MRPL42: variants seen among roughly 807,000 people sequenced by gnomAD.
MRPL42 encodes mitochondrial ribosomal protein L42.
In MRPL42, 17 loss-of-function variants were observed where a neutral mutation model predicts 17.9. That is an observed-to-expected ratio of 0.95 (90% CI 0.65 to 1.42). The LOEUF is 1.42. Ranked by LOEUF, MRPL42 falls within the 40% of genes most tolerant of loss-of-function variation. The pLI is 0.00. For missense variants in MRPL42, 177 were observed against 175.2 expected, an observed-to-expected ratio of 1.01 and a Z score of -0.06; for synonymous variants, 59 against 54.4, an observed-to-expected ratio of 1.08 and a Z score of -0.37.
rs1236653389 is a variant in MRPL42, at chr12:93,503,887, C to T, written c.*2666C>T. On this transcript the variant is annotated 3_prime_UTR_variant, in exon 6 of 6. Transcript: ENST00000549982. The stretch of plus-strand genomic sequence containing the variant: ...CTGGCTTGTCATAATTTAATTAACT[C>T]CCTGCTGTTAGACAAAATCATTGTT... The T allele has an allele frequency of 6.6e-6, 1 of 151,820 alleles. No individual in the cohort carries two copies. The highest frequency in any genetic ancestry group is 2.4e-5 in the African/African-American group (1 of 41,328). 9.4% of individuals were successfully genotyped at this position (151,820 alleles called of 1,614,324 possible). A position where few individuals can be genotyped will look rare whatever the true frequency, so the allele number is the denominator to read the frequency against.
chr12:93,485,003 T>TACACACAC (rs1186653153), intron 4 of MRPL42, among the ~76,000 whole-genome samples: 1 of 68,330 alleles, frequency 1.5e-5, no homozygotes, highest in African/African-American at 5.2e-5. Flanking sequence ...TATATATATA[T>TACACACAC]ATATATATAT....
At position 93,504,043 on chromosome 12, in the gene MRPL42, C is replaced by G. The variant is rs1226947370; in HGVS notation, c.*2822C>G. Reference sequence around the variant, plus strand: ...TAATCTCATCAGAAGCTGGCAAGATCATTACTGTTTTCTTAGATTTGTTTC... The same window carrying G: ...TAATCTCATCAGAAGCTGGCAAGATGATTACTGTTTTCTTAGATTTGTTTC... On this transcript the variant is annotated 3_prime_UTR_variant, in exon 6 of 6. Transcript: ENST00000549982. The G allele has an allele frequency of 6.8e-6, 1 of 147,456 alleles. No homozygotes were observed. Among genetic ancestry groups the G allele is most frequent in the African/African-American group, 2.6e-5 (1 of 39,182 alleles). 9.1% of individuals were successfully genotyped at this position (147,456 alleles called of 1,614,324 possible). A position where few individuals can be genotyped will look rare whatever the true frequency, so the allele number is the denominator to read the frequency against.
Position 93,515,548 on chromosome 12 carries a change from T to C in MRPL42, c.*14327T>C, listed in dbSNP as rs921565514. 1.3e-5 allele frequency: 2 copies of C among 152,044 alleles called. No homozygotes were observed. Among genetic ancestry groups the C allele is most frequent in the African/African-American group, 4.8e-5 (2 of 41,390 alleles). The allele number at this position is 152,044 out of a possible 1,614,324, so 9.4% of individuals were successfully genotyped here. A position where few individuals can be genotyped will look rare whatever the true frequency, so the allele number is the denominator to read the frequency against. ...CATTCCCAGGTAATTTTTGTATTTT[T>C]AGTATAGATGGAGTTTCGCCATTCT... On this transcript the variant is annotated 3_prime_UTR_variant, in exon 6 of 6. Coordinates refer to ENST00000549982, the MANE Select transcript of MRPL42 (RefSeq NM_014050.4).
At chr12:93,485,560 AAT>A (rs201705527) in intron 4 of MRPL42, among the ~76,000 whole-genome samples, 1 of 80,276 alleles carries the variant, frequency 1.2e-5, no homozygotes, top group African/African-American at 4.2e-5. Flanking sequence ...ATGTAAAGAA[AAT>A]ATGTTTGAAT....
chr12:93,468,619 C>T (rs1388902870), intron 1 of MRPL42, among the ~76,000 whole-genome samples: 1 of 152,238 alleles, frequency 6.6e-6, no homozygotes, highest in Non-Finnish European at 1.5e-5. Flanking sequence ...AAGTTAAAGA[C>T]TTTGTACACA....
chr12:93,468,311 G>A (rs1879740762), intron 1 of MRPL42, among the ~76,000 whole-genome samples: 1 of 152,094 alleles, frequency 6.6e-6, no homozygotes, highest in African/African-American at 2.4e-5. Flanking sequence ...CACTATTGGG[G>A]GGAAGGGCAC....
chr12:93,475,268 C>A (rs1260405530), intron 2 of MRPL42, among the ~76,000 whole-genome samples: 1 of 151,934 alleles, frequency 6.6e-6, no homozygotes, highest in Non-Finnish European at 1.5e-5. Context: ...GCATGCACCA[C>A]CACACCCGGC....
At position 93,513,375 on chromosome 12, in the gene MRPL42, C is replaced by T. The variant is rs1331836757; in HGVS notation, c.*12154C>T. On this transcript the variant is annotated 3_prime_UTR_variant, in exon 6 of 6. Coordinates refer to ENST00000549982, the MANE Select transcript of MRPL42 (RefSeq NM_014050.4). ...CTGGCAAATTTATTTTTTGTAGAGA[C>T]CAAGTCTCCTTGTGTTACCCAGGTT... The T allele has an allele frequency of 6.6e-6, 1 of 151,730 alleles. No individual in the cohort carries two copies. 9.4% of individuals were successfully genotyped at this position (151,730 alleles called of 1,614,324 possible).
rs1278004635 is a variant in MRPL42, at chr12:93,509,845, T to C, written c.*8624T>C. On this transcript the variant is annotated 3_prime_UTR_variant, in exon 6 of 6. Transcript: ENST00000549982. ...CAAAATTGAGAGGAGGGTACAGAAA[T>C]AACTTATATATCCTCAGTGCTCCCC... 6.6e-6 allele frequency: 1 copy of C among 151,438 alleles called. No individual in the cohort carries two copies. The highest frequency in any genetic ancestry group is 1.5e-5 in the Non-Finnish European group (1 of 67,924). The allele number at this position is 151,438 out of a possible 1,614,324, so 9.4% of individuals were successfully genotyped here. A position where few individuals can be genotyped will look rare whatever the true frequency, so the allele number is the denominator to read the frequency against.
intron 2 of MRPL42, chr12:93,470,650 G>T (rs1879866955): frequency 1.1e-6 from 1 of 879,498 alleles, no homozygotes; most frequent in Non-Finnish European, 1.5e-6. Flanking sequence ...AGTGTTTATT[G>T]TTCCCATCTT....
In MRPL42 at chr12:93,514,575, T is replaced by G. The variant is rs1332772039; in HGVS notation, c.*13354T>G. On this transcript the variant is annotated 3_prime_UTR_variant, in exon 6 of 6. Transcript: ENST00000549982. The stretch of plus-strand genomic sequence containing the variant: ...CATGAGCCACTGCACCTGGCCATTA[T>G]TGGACAGTTTTAATGGAAAGTGTTT... The G allele has an allele frequency of 1.3e-5, 2 of 152,054 alleles. No individual in the cohort carries two copies. Among genetic ancestry groups the G allele is most frequent in the Non-Finnish European group, 2.9e-5 (2 of 67,974 alleles). The allele number at this position is 152,054 out of a possible 1,614,324, so 9.4% of individuals were successfully genotyped here.
At position 93,509,107 on chromosome 12, in the gene MRPL42, G is replaced by A. The variant is rs930972597; in HGVS notation, c.*7886G>A. On this transcript the variant is annotated 3_prime_UTR_variant, in exon 6 of 6. Transcript: ENST00000549982. ...GGAGGCTGAGGCAGGAGAATCCCTT[G>A]AACCCAGGAGGCAGAGGTTGCAGTG... 6.7e-6 allele frequency: 1 copy of A among 148,998 alleles called. No individual in the cohort carries two copies. The highest frequency in any genetic ancestry group is 2.5e-5 in the African/African-American group (1 of 40,270). The allele number at this position is 148,998 out of a possible 1,614,324, so 9.2% of individuals were successfully genotyped here. A position where few individuals can be genotyped will look rare whatever the true frequency, so the allele number is the denominator to read the frequency against.
Position 93,496,006 on chromosome 12 carries a change from G to A in MRPL42, c.384-5170G>A, listed in dbSNP as rs545149762. ...ATTTAATACCCATACATTGTATTAA[G>A]GATACTGTGTTAGAATTATTGTGGA... is the stretch of plus-strand genomic sequence containing the variant. On this transcript the variant is annotated intron_variant, in intron 5 of 5. Coordinates refer to ENST00000549982, the MANE Select transcript of MRPL42 (RefSeq NM_014050.4). Among the ~76,000 whole-genome samples, 3 of 152,290 alleles carry A rather than the reference G, an allele frequency of 2.0e-5. No homozygotes were observed. In the South Asian group the frequency reaches 6.2e-4, roughly 32 times the overall value.
intron 4 of MRPL42, among the ~76,000 whole-genome samples, chr12:93,480,679 C>A (rs1040051602): frequency 1.3e-5 from 2 of 151,554 alleles, no homozygotes; most frequent in African/African-American, 2.4e-5. Context: ...GTAGCTGGGA[C>A]TACAGGCGTG....
intron 4 of MRPL42, among the ~76,000 whole-genome samples, chr12:93,482,896 CTT>C (rs11347110): frequency 5.8e-4 from 85 of 145,794 alleles, no homozygotes; most frequent in Non-Finnish European, 5.9e-4. Context: ...CAATCTGGTT[CTT>C]TTTTTTTTTT....
In MRPL42 at chr12:93,506,856, C is replaced by G. The variant is rs1343989950; in HGVS notation, c.*5635C>G. On this transcript the variant is annotated 3_prime_UTR_variant, in exon 6 of 6. Coordinates refer to ENST00000549982, the MANE Select transcript of MRPL42 (RefSeq NM_014050.4). ...GTTAAGTGTGGCAATTTGGATTGATCCCATTGGACTTTTCAATTGCTGCAT... is the reference window on the plus strand; with the variant it reads ...GTTAAGTGTGGCAATTTGGATTGATGCCATTGGACTTTTCAATTGCTGCAT... The G allele has an allele frequency of 6.6e-6, 1 of 152,088 alleles. No individual in the cohort carries two copies. The highest frequency in any genetic ancestry group is 1.5e-5 in the Non-Finnish European group (1 of 68,024). 9.4% of individuals were successfully genotyped at this position (152,088 alleles called of 1,614,324 possible).
chr12:93,468,970 T>C (rs4761518), intron 1 of MRPL42, among the ~76,000 whole-genome samples: 78,425 of 151,966 alleles, frequency 0.52, 20,311 homozygotes, highest in Non-Finnish European at 0.53. Flanking sequence ...GAGAAGTTTG[T>C]ATCTAAGATA....
rs530394367 is a variant in MRPL42 at position 93,504,839 on chromosome 12, A to G, written c.*3618A>G. On this transcript the variant is annotated 3_prime_UTR_variant, in exon 6 of 6. Coordinates refer to ENST00000549982, the MANE Select transcript of MRPL42 (RefSeq NM_014050.4). The stretch of plus-strand genomic sequence containing the variant: ...TTGTGTGATTATTTGGTAAATGTCC[A>G]TATCCCCTACTAGCCTATAAGCTCC... 3 of 152,322 alleles carry G rather than the reference A, an allele frequency of 2.0e-5. No homozygotes were observed. The South Asian group carries it at 6.2e-4, about 32-fold the overall frequency. 9.4% of individuals were successfully genotyped at this position (152,322 alleles called of 1,614,324 possible). A position where few individuals can be genotyped will look rare whatever the true frequency, so the allele number is the denominator to read the frequency against.
chr12:93,503,657 T>G lies in MRPL42; in HGVS notation c.*2436T>G, dbSNP rs545116004. The G allele has an allele frequency of 6.6e-6, 1 of 152,214 alleles. No homozygotes were observed. The highest frequency in any genetic ancestry group is 2.4e-5 in the African/African-American group (1 of 41,550). 9.4% of individuals were successfully genotyped at this position (152,214 alleles called of 1,614,324 possible). A position where few individuals can be genotyped will look rare whatever the true frequency, so the allele number is the denominator to read the frequency against. ...ACCTTGGCCTCCAAAAGTATGGGAT[T>G]ACAGGTGTGAGCCACTGTGCCCAGC... On this transcript the variant is annotated 3_prime_UTR_variant, in exon 6 of 6. Coordinates refer to ENST00000549982, the MANE Select transcript of MRPL42 (RefSeq NM_014050.4).
Sources: gnomAD v4.1 joint callset for allele counts (sites outside exome capture counted in the v4.1 genomes callset) on GRCh38, gnomAD v4.1.1 for gene constraint, MANE v1.5 for transcripts, NCBI Gene and HGNC (gene_info 2026-07-23, HGNC 2026-07-21) for gene names.